The following TAL1 variants were observed in gnomAD, a reference collection of about 807,000 sequenced individuals.
The protein encoded by TAL1 is T-cell acute lymphocytic leukemia protein 1.
A neutral mutation model predicts 17.9 loss-of-function variants in TAL1; 8 were observed. The observed-to-expected ratio is 0.45, with a 90% CI of 0.26 to 0.81. The LOEUF is 0.81. Among genes scored for constraint, TAL1 ranks in the 30% least tolerant of loss-of-function variants. TAL1 has a pLI of 0.17. For missense variants in TAL1, 466 were observed against 486.9 expected (o/e 0.96, Z 0.40); for synonymous variants, 223 against 218.6 (o/e 1.02, Z -0.18).
intron 3 of TAL1, among the ~76,000 whole-genome samples, 196 bp from the exon 5 acceptor site, chr1:47,220,370 C>T (rs1179014609): frequency 6.6e-6 from 1 of 152,174 alleles, no homozygotes; most frequent in Non-Finnish European, 1.5e-5. Context: ...CAGATGTAAC[C>T]AACCACCACG....
chr1:47,223,279 G>T (rs1201416553), intron 3 of TAL1: 2 of 152,272 alleles, frequency 1.3e-5, no homozygotes, highest in Admixed American at 6.5e-5. Context: ...CCCTGGTGCT[G>T]GGACCAATCT....
At position 47,219,897 on chromosome 1, in the gene TAL1, G is replaced by GCCCCCCA; in HGVS notation, c.818_819insTGGGGGG (p.Ala275GlyfsTer7). The GCCCCCCA allele has an allele frequency of 1.3e-6, 2 of 1,506,178 alleles. No individual in the cohort carries two copies. Among genetic ancestry groups the GCCCCCCA allele is most frequent in the Non-Finnish European group, 1.8e-6 (2 of 1,116,210 alleles). 93.3% of individuals were successfully genotyped at this position (1,506,178 alleles called of 1,614,324 possible). ...GCAGGAGGTCATCTGGGGGCGCGCC[G>GCCCCCCA]CCCCCTCCCCCACCTCCACCCCCAC... On this transcript the variant is annotated frameshift_variant, in exon 4 of 4. Transcript: ENST00000294339. LOFTEE classifies it high-confidence loss of function.
chr1:47,219,897 G>GGCCCCCCC lies in TAL1; in HGVS notation c.818_819insGGGGGGGC (p.Ala275GlyfsTer173). ...GCAGGAGGTCATCTGGGGGCGCGCC[G>GGCCCCCCC]CCCCCTCCCCCACCTCCACCCCCAC... On this transcript the variant is annotated frameshift_variant, in exon 4 of 4. Coordinates refer to ENST00000294339, the Ensembl canonical transcript of TAL1. LOFTEE classifies it high-confidence loss of function. 1 of 1,506,188 alleles carries GGCCCCCCC rather than the reference G, an allele frequency of 6.6e-7. No homozygotes were observed. The highest frequency in any genetic ancestry group is 9.0e-7 in the Non-Finnish European group (1 of 1,116,220). The allele number at this position is 1,506,188 out of a possible 1,614,324, so 93.3% of individuals were successfully genotyped here. A position where few individuals can be genotyped will look rare whatever the true frequency, so the allele number is the denominator to read the frequency against.
At chr1:47,225,539 C>A (rs1008530546) in exon 2 of TAL1, 2 of 1,269,860 alleles carry the variant, frequency 1.6e-6, no homozygotes, top group Admixed American at 4.2e-5. Flanking sequence ...CTGCACCATG[C>A]GGCCGTCGCC....
chr1:47,229,252 A>G, exon 1 of TAL1: 2 of 205,212 alleles, frequency 9.7e-6, no homozygotes, highest in Non-Finnish European at 1.0e-5. Flanking sequence ...TCCGCCGGAA[A>G]GGGGCGGAAG....
chr1:47,225,858 G>C, exon 2 of TAL1: 1 of 1,584,214 alleles, frequency 6.3e-7, no homozygotes. Context: ...GGGTCACTGC[G>C]AGCCGCCTCG....
exon 4 of TAL1, chr1:47,219,302 C>A (rs1022654934): frequency 4.1e-6 from 2 of 487,364 alleles, no homozygotes; most frequent in Admixed American, 2.8e-5. Context: ...GCCACACAGG[C>A]CACCCCAGCC....
chr1:47,225,060 C>G (rs1358561426), intron 2 of TAL1, among the ~76,000 whole-genome samples: 2 of 152,228 alleles, frequency 1.3e-5, no homozygotes, highest in African/African-American at 4.8e-5. Context: ...CACAGCAAAG[C>G]ACATGCAGGC....
chr1:47,231,960 T>A (rs1010781524), upstream of TAL1, among the ~76,000 whole-genome samples: 5 of 151,910 alleles, frequency 3.3e-5, no homozygotes, highest in Admixed American at 6.5e-5. Flanking sequence ...GAAGAGAGTC[T>A]CCGAGGCGGG....
chr1:47,219,729 G>A (rs1362087297), exon 4 of TAL1: 4 of 1,609,518 alleles, frequency 2.5e-6, no homozygotes, highest in Non-Finnish European at 2.5e-6. Flanking sequence ...ATCACCGAGG[G>A]CCGGCTCCAT....
chr1:47,232,126 C>G, upstream of TAL1: 1 of 225,742 alleles, frequency 4.4e-6, no homozygotes, highest in Non-Finnish European at 8.8e-6. Flanking sequence ...GGTGGGAGGC[C>G]GCGGGTTGCT....
In TAL1 at chr1:47,225,678, C is replaced by G. The variant is rs553330306; in HGVS notation, c.211G>C (p.Ala71Pro). 1.4e-6 allele frequency: 2 copies of G among 1,419,152 alleles called. No homozygotes were observed. The highest frequency in any genetic ancestry group is 1.8e-6 in the Non-Finnish European group (2 of 1,095,392). The allele number at this position is 1,419,152 out of a possible 1,614,324, so 87.9% of individuals were successfully genotyped here. Residue 71 changes from alanine (A) to proline (P), a missense_variant, in exon 2 of 4, where the codon GCG (alanine) becomes CCG (proline). Ala to Pro is a conservative substitution (Grantham distance 27, BLOSUM62 -1). This residue lies in a region of TAL1 where 130 missense variants were observed against 119.5 expected (regional missense o/e 1.09). Transcript: ENST00000294339. ...GCGTCGCGGCCCTTTAAGTCTCTCG[C>G]GGCGCCGCCCCCACCGGCAGGGCCG...
At chr1:47,223,792 T>C (rs1370397097) in intron 3 of TAL1, among the ~76,000 whole-genome samples, 2 of 152,190 alleles carry the variant, frequency 1.3e-5, no homozygotes, top group African/African-American at 4.8e-5. Flanking sequence ...GCCTCCTCTT[T>C]GCAGGACTGT....
chr1:47,216,904 G>T (rs1645506345), exon 4 of TAL1: 1 of 231,854 alleles, frequency 4.3e-6, no homozygotes, highest in Non-Finnish European at 8.5e-6. Context: ...TAAGGTCATG[G>T]GGTACAGAGG....
exon 4 of TAL1, chr1:47,216,414 T>A (rs945440656): frequency 4.4e-6 from 1 of 228,278 alleles, no homozygotes; most frequent in Admixed American, 5.7e-5. Flanking sequence ...CTCTGGGCTG[T>A]ACAAAGGTCA....
chr1:47,224,098 G>T, exon 3 of TAL1: 1 of 1,613,562 alleles, frequency 6.2e-7, no homozygotes, highest in East Asian at 2.2e-5. Context: ...CAAAGAACCC[G>T]CTGTGGGAGG....
chr1:47,224,722 C>T (rs1356651961), intron 2 of TAL1, among the ~76,000 whole-genome samples: 1 of 152,198 alleles, frequency 6.6e-6, no homozygotes, highest in Admixed American at 6.5e-5. Flanking sequence ...CTCGGGTGCC[C>T]GCCAGGTTCA....
At chr1:47,217,763 C>T in exon 4 of TAL1, 1 of 398,598 alleles carries the variant, frequency 2.5e-6, no homozygotes, top group Non-Finnish European at 4.4e-6. Flanking sequence ...ACTGTGGCTA[C>T]TTCTCATTCC....
At chr1:47,218,694 A>G in exon 4 of TAL1, 1 of 232,898 alleles carries the variant, frequency 4.3e-6, no homozygotes, top group Non-Finnish European at 8.5e-6. Context: ...AAAATTCCAA[A>G]TGCAAAGCAT....
Sources: allele counts gnomAD v4.1 joint callset (sites outside exome capture counted in the v4.1 genomes callset), GRCh38; gene constraint gnomAD v4.1.1; regional missense constraint gnomAD v4.1.1; transcripts MANE v1.5; gene names NCBI Gene and HGNC (gene_info 2026-07-23, HGNC 2026-07-21).